The following KLF16 variants were observed in gnomAD, a reference collection of about 807,000 sequenced individuals.
KLF16 encodes KLF transcription factor 16, also known as Krueppel-like factor 16.
In KLF16, 6 loss-of-function variants were observed where a neutral mutation model predicts 6.1. The ratio of observed to expected loss-of-function variants is 0.98; its 90% CI spans 0.54 to 1.93. The LOEUF is 1.93. KLF16 is among the 30% of genes most tolerant of loss of function. KLF16 has a pLI of 0.01. For missense variants in KLF16, 355 were observed against 363.8 expected (o/e 0.98, Z 0.20); for synonymous variants, 211 against 176.5 (o/e 1.20, Z -1.55).
chr19:1,869,786 T>C, the KLF16 span, among the ~76,000 whole-genome samples: 1 of 152,130 alleles, frequency 6.6e-6, no homozygotes, highest in African/African-American at 2.4e-5. Flanking sequence ...TTTTTAAATT[T>C]CATTTTCTAG....
the KLF16 span, among the ~76,000 whole-genome samples, chr19:1,874,012 G>C: frequency 0.013 from 1,908 of 152,346 alleles, 40 homozygotes; most frequent in African/African-American, 0.043. Flanking sequence ...AGCCCGCAGG[G>C]AGGGAGGGGC....
chr19:1,869,271 G>A, the KLF16 span, among the ~76,000 whole-genome samples: 1 of 152,114 alleles, frequency 6.6e-6, no homozygotes, highest in Admixed American at 6.6e-5. Flanking sequence ...CAGGTCAGAA[G>A]TTCGAAACCA....
At chr19:1,856,992 G>A (rs922673997) in intron 1 of KLF16, among the ~76,000 whole-genome samples, 2 of 140,340 alleles carry the variant, frequency 1.4e-5, no homozygotes, top group African/African-American at 5.8e-5. Flanking sequence ...GCAGCCGCTG[G>A]GAACACAGCT....
chr19:1,858,148 G>A (rs192739460), intron 1 of KLF16, among the ~76,000 whole-genome samples: 5 of 151,718 alleles, frequency 3.3e-5, no homozygotes, highest in East Asian at 1.9e-4. Flanking sequence ...TGTCAATCCC[G>A]TACCTCCCCA....
chr19:1,864,042 A>G (rs1237566856), upstream of KLF16, among the ~76,000 whole-genome samples: 4 of 130,458 alleles, frequency 3.1e-5, no homozygotes, highest in South Asian at 1.0e-3. Flanking sequence ...TCCTTCCGAG[A>G]GCGCGCCCCG....
chr19:1,868,199 C>G (rs911148125), upstream of KLF16, among the ~76,000 whole-genome samples: 1 of 152,134 alleles, frequency 6.6e-6, no homozygotes, highest in Non-Finnish European at 1.5e-5. Flanking sequence ...AAACTCCCCC[C>G]ACCCCCTGCC....
At chr19:1,864,290 C>T (rs566932128), upstream of KLF16, among the ~76,000 whole-genome samples, 5 of 152,214 alleles carry the variant, frequency 3.3e-5, no homozygotes, top group Admixed American at 2.6e-4. Flanking sequence ...CCCTTCCCCC[C>T]TCTTCTCCCG....
upstream of KLF16, among the ~76,000 whole-genome samples, chr19:1,863,747 C>G (rs2012127507): frequency 6.9e-6 from 1 of 143,928 alleles, no homozygotes; most frequent in Non-Finnish European, 1.5e-5. Flanking sequence ...CAGCCACGCC[C>G]CCCGCCCGGC....
rs1232730460 is a variant in KLF16 at position 1,852,550 on chromosome 19, T to A, written c.*1909A>T. ...CCAGGTCCCAGTGATCAGCGACTCC[T>A]GGGAGAGTGGAGGGGTGGGCGCAGG... On this transcript the variant is annotated 3_prime_UTR_variant, in exon 2 of 2. Coordinates refer to ENST00000250916, the MANE Select transcript of KLF16 (RefSeq NM_031918.4). 6.6e-6 allele frequency: 1 copy of A among 151,782 alleles called. No individual in the cohort carries two copies. The highest frequency in any genetic ancestry group is 1.5e-5 in the Non-Finnish European group (1 of 67,916). 9.4% of individuals were successfully genotyped at this position (151,782 alleles called of 1,614,324 possible). A position where few individuals can be genotyped will look rare whatever the true frequency, so the allele number is the denominator to read the frequency against.
upstream of KLF16, among the ~76,000 whole-genome samples, chr19:1,868,471 T>A (rs879333755): frequency 0.49 from 31,365 of 63,496 alleles, 5,589 homozygotes; most frequent in African/African-American, 0.57. Flanking sequence ...CTTTTTTTTT[T>A]TTTTTTTTTT....
In KLF16 at chr19:1,854,229, G is replaced by T. The variant is rs2011898291; in HGVS notation, c.*230C>A. The T allele has an allele frequency of 2.1e-6, 1 of 476,906 alleles. No homozygotes were observed. The highest frequency in any genetic ancestry group is 3.5e-6 in the Non-Finnish European group (1 of 286,868). The allele number at this position is 476,906 out of a possible 1,614,324, so 29.5% of individuals were successfully genotyped here. A position where few individuals can be genotyped will look rare whatever the true frequency, so the allele number is the denominator to read the frequency against. ...CGTTGCACAGATGGGAAGAAAGTTA[G>T]TATCATGGCTATTTACAGACACAAG... On this transcript the variant is annotated 3_prime_UTR_variant, in exon 2 of 2. Coordinates refer to ENST00000250916, the MANE Select transcript of KLF16 (RefSeq NM_031918.4).
At position 1,863,135 on chromosome 19, in the gene KLF16, G is replaced by T. The variant is rs1164115921; in HGVS notation, c.363C>A (p.Ser121=). ...SSGRAPGAAP[S]AAAKSHRCPF... ...GACAGCGGTGGCTCTTGGCGGCGGCGGAGGGCGCGGCGCCGGGGGCGCGGC... is the reference window on the plus strand; with the variant it reads ...GACAGCGGTGGCTCTTGGCGGCGGCTGAGGGCGCGGCGCCGGGGGCGCGGC... Residue 121 remains serine (S), a synonymous_variant, in exon 1 of 2, where the codon TCC becomes TCA. Coordinates refer to ENST00000250916, the MANE Select transcript of KLF16 (RefSeq NM_031918.4). 4.5e-6 allele frequency: 6 copies of T among 1,337,390 alleles called. No homozygotes were observed. The African/African-American group carries it at 6.2e-5, about 14-fold the overall frequency. 82.8% of individuals were successfully genotyped at this position (1,337,390 alleles called of 1,614,324 possible).
At chr19:1,864,439 G>A (rs2012150150), upstream of KLF16, among the ~76,000 whole-genome samples, 1 of 151,388 alleles carries the variant, frequency 6.6e-6, no homozygotes, top group South Asian at 2.1e-4. Context: ...GGGCCCGGGA[G>A]GGTGGGGCAA....
At chr19:1,866,775 CAAAAAA>C (rs10672007), upstream of KLF16, among the ~76,000 whole-genome samples, 1 of 86,854 alleles carries the variant, frequency 1.2e-5, no homozygotes, top group South Asian at 4.2e-4. Flanking sequence ...GACCCTGTCT[CAAAAAA>C]AAAAAAAAAA....
chr19:1,856,810 G>C (rs1357813602), intron 1 of KLF16, among the ~76,000 whole-genome samples: 1 of 152,202 alleles, frequency 6.6e-6, no homozygotes, highest in Non-Finnish European at 1.5e-5. Flanking sequence ...AGGCACAGGC[G>C]GGGAGGCGGC....
chr19:1,860,800 T>C (rs2012049542), intron 1 of KLF16, among the ~76,000 whole-genome samples: 2 of 152,078 alleles, frequency 1.3e-5, no homozygotes, highest in Non-Finnish European at 2.9e-5. Flanking sequence ...CCCTTGGTGG[T>C]CCTGGGGGCT....
Position 1,856,963 on chromosome 19 carries a change from G to GGGC in KLF16, c.458-2204_458-2203insGCC, listed in dbSNP as rs1466347651. Among the ~76,000 whole-genome samples, 118 of 117,464 alleles carry GGGC rather than the reference G, an allele frequency of 1.0e-3. 32 individuals are homozygous for GGGC. The highest frequency in any genetic ancestry group is 5.2e-3 in the African/African-American group (117 of 22,580). 77.1% of individuals were successfully genotyped at this position (117,464 alleles called of 152,430 possible). A position where few individuals can be genotyped will look rare whatever the true frequency, so the allele number is the denominator to read the frequency against. ...GGAGCAGGTTGCCGGGGTGGGGGGG[G>GGGC]CGACCGGGGCAGGGGCGCGCAGCCG... On this transcript the variant is annotated intron_variant, in intron 1 of 1. Transcript: ENST00000250916.
At chr19:1,862,848 C>T (rs1351930020) in intron 1 of KLF16, 193 bp downstream of exon 1, 3 of 278,808 alleles carry the variant, frequency 1.1e-5, no homozygotes, top group Non-Finnish European at 6.6e-6. Flanking sequence ...ATCCGCTCGC[C>T]GCCCGACCGC....
chr19:1,863,745 C>T (rs1471408105), upstream of KLF16, among the ~76,000 whole-genome samples: 1 of 142,660 alleles, frequency 7.0e-6, no homozygotes, highest in Non-Finnish European at 1.6e-5. Context: ...CGCAGCCACG[C>T]CCCCCGCCCG....
Sources: gnomAD v4.1 joint callset for allele counts (sites outside exome capture counted in the v4.1 genomes callset) on GRCh38, gnomAD v4.1.1 for gene constraint, MANE v1.5 for transcripts, NCBI Gene and HGNC (gene_info 2026-07-23, HGNC 2026-07-21) for gene names.